The following SMPD1 variants were observed in gnomAD, a reference collection of about 807,000 sequenced individuals.
SMPD1 encodes sphingomyelin phosphodiesterase.
A neutral mutation model predicts 49.7 loss-of-function variants in SMPD1; 47 were observed. That is an observed-to-expected ratio of 0.95 (90% CI 0.75 to 1.21). The LOEUF (loss-of-function observed/expected upper bound fraction) is 1.21, where lower values mean the gene tolerates loss of function less well. Among genes scored for constraint, SMPD1 ranks in the 50% most tolerant of loss-of-function variants. SMPD1 has a pLI of 0.00. For synonymous variants in SMPD1, 336 were observed against 339.6 expected, an observed-to-expected ratio of 0.99 and a Z score of 0.12; for missense variants, 811 against 822.2, an observed-to-expected ratio of 0.99 and a Z score of 0.17.
In SMPD1 at chr11:6,394,050, G is replaced by A. The variant is rs1338237813; in HGVS notation, c.1486+9G>A. The A allele has an allele frequency of 6.2e-7, 1 of 1,614,064 alleles. No individual in the cohort carries two copies. Among genetic ancestry groups the A allele is most frequent in the African/African-American group, 1.3e-5 (1 of 74,906 alleles). On this transcript the variant is annotated intron_variant, in intron 5 of 5. Transcript: ENST00000342245. ...CATCGGCCTTAATCCTGGTGAGTGA[G>A]GCAGAAGGGAGCCTCCCTTATCCTG...
intron 4 of SMPD1, 49 bp from the exon 5 acceptor site, chr11:6,393,847 T>C (rs1848054849): frequency 6.2e-7 from 1 of 1,611,624 alleles, no homozygotes. Flanking sequence ...TCCCCAGATG[T>C]CTTCCTACCC....
At position 6,391,723 on chromosome 11, in the gene SMPD1, G is replaced by A; in HGVS notation, c.658G>A (p.Asp220Asn). 1 of 1,609,272 alleles carries A rather than the reference G, an allele frequency of 6.2e-7. No individual in the cohort carries two copies. The highest frequency in any genetic ancestry group is 8.5e-7 in the Non-Finnish European group (1 of 1,178,732). ...GGATCATGACTACCTGGAGGGCACG[G>A]ACCCTGACTGTGCAGACCCACTGTG... The part of the protein sequence containing the change: ...HWDHDYLEGT[D>N]PDCADPLCCR... Residue 220 changes from aspartate (D) to asparagine (N), a missense_variant, in exon 2 of 6, where the codon GAC (aspartate) becomes AAC (asparagine). By Grantham distance (23) the Asp-to-Asn change is conservative. Transcript: ENST00000342245.
At position 6,391,670 on chromosome 11, in the gene SMPD1, G is replaced by T. The variant is rs757850587; in HGVS notation, c.605G>T (p.Arg202Leu). Residue 202 changes from arginine to leucine, a missense_variant, in exon 2 of 6, where the codon CGC (arginine) becomes CTC (leucine). By Grantham distance (102) the Arg-to-Leu change is moderately radical (BLOSUM62 -2). Coordinates refer to ENST00000342245, the MANE Select transcript of SMPD1 (RefSeq NM_000543.5). ...SPPAPGAPVS[R>L]ILFLTDLHWD... ...CCAGCCCCAGGTGCCCCTGTCAGCC[G>T]CATCCTCTTCCTCACTGACCTGCAC... 2 of 1,170,954 alleles carry T rather than the reference G, an allele frequency of 1.7e-6. No homozygotes were observed. Among genetic ancestry groups the T allele is most frequent in the Admixed American group, 2.2e-5 (1 of 45,722 alleles). 72.5% of individuals were successfully genotyped at this position (1,170,954 alleles called of 1,614,324 possible).
At position 6,390,813 on chromosome 11, in the gene SMPD1, G is replaced by T. The variant is rs1847872800; in HGVS notation, c.215G>T (p.Arg72Met). The T allele has an allele frequency of 2.5e-6, 4 of 1,614,112 alleles. No individual in the cohort carries two copies. The highest frequency in any genetic ancestry group is 3.3e-4 in the Middle Eastern group (2 of 6,062). The change falls in exon 1 of 6, where the codon AGG (arginine) becomes ATG (methionine). Residue 72 changes from arginine to methionine, a missense_variant. Coordinates refer to ENST00000342245, the MANE Select transcript of SMPD1 (RefSeq NM_000543.5). ...HPLSPQGHPA[R>M]LHRIVPRLRD... ...CTTTCTCCCCAAGGCCATCCTGCCA[G>T]GTTACATCGCATAGTGCCCCGGCTC...
intron 2 of SMPD1, 89 bp from the exon 3 acceptor site, chr11:6,393,127 A>C (rs1045504033): frequency 1.9e-6 from 2 of 1,069,142 alleles, no homozygotes; most frequent in Non-Finnish European, 2.8e-6. Flanking sequence ...GGAAGATGTC[A>C]TGTATGCTTT....
chr11:6,390,680 C>CCCGGACTCCTTT lies in SMPD1; in HGVS notation c.83_94dup (p.Leu31_Trp32insSerGlyLeuLeu). ...GGGACAAGACGGGACCGCCGGAGCC[C>CCCGGACTCCTTT]CCGGACTCCTTTGGATGGGCCTGGT... is the stretch of plus-strand genomic sequence containing the variant. On this transcript the variant is annotated inframe_insertion, in exon 1 of 6. Transcript: ENST00000342245. The CCCGGACTCCTTT allele has an allele frequency of 6.2e-7, 1 of 1,611,338 alleles. No homozygotes were observed. Among genetic ancestry groups the CCCGGACTCCTTT allele is most frequent in the Non-Finnish European group, 8.5e-7 (1 of 1,178,800 alleles).
intron 2 of SMPD1, among the ~76,000 whole-genome samples, chr11:6,392,486 C>CTTTTTTTTTTTTTTTTTTTT (rs754271358): frequency 4.4e-5 from 2 of 45,684 alleles, no homozygotes; most frequent in African/African-American, 1.8e-4. Flanking sequence ...CTGGCCCTCC[C>CTTTTTTTTTTTTTTTTTTTT]TTTTTTTTTT....
chr11:6,390,951 A>G (rs772142740), intron 1 of SMPD1, 35 bp downstream of exon 1: 5 of 1,611,740 alleles, frequency 3.1e-6, no homozygotes, highest in Admixed American at 1.7e-5. Context: ...GAGGAGGCCG[A>G]AAGGAGTGCT....
intron 2 of SMPD1, 36 bp downstream of exon 2, chr11:6,392,192 G>T (rs1847957306): frequency 1.3e-5 from 21 of 1,613,730 alleles, no homozygotes; most frequent in Non-Finnish European, 1.8e-5. Context: ...GAAGGGAAAA[G>T]AAAGGTGAAT....
At position 6,394,313 on chromosome 11, in the gene SMPD1, C is replaced by T; in HGVS notation, c.1602C>T (p.His534=). 6.2e-7 allele frequency: 1 copy of T among 1,614,246 alleles called. No homozygotes were observed. ...CAAACATACCGGGAGCCATACCGCACTGGCAGCTTCTCTACAGGGCTCGAG... is the reference window on the plus strand; with the variant it reads ...CAAACATACCGGGAGCCATACCGCATTGGCAGCTTCTCTACAGGGCTCGAG... ...TQANIPGAIP[H]WQLLYRARET... is the part of the protein sequence containing the mutation. The change falls in exon 6 of 6, where the codon CAC becomes CAT. Residue 534 remains histidine, a synonymous_variant. Transcript: ENST00000342245.
rs2134022797 is a variant in SMPD1, at chr11:6,394,220, T to C, written c.1509T>C (p.Asp503=). ...LNPGYRVYQI[D]GNYSGSSHVV... The stretch of plus-strand genomic sequence containing the variant: ...CAGGTTACCGTGTGTACCAAATAGA[T>C]GGAAACTACTCCGGGAGCTCTCACG... Residue 503 remains aspartate, a synonymous_variant, in exon 6 of 6, where the codon GAT becomes GAC. Transcript: ENST00000342245. 1 of 1,614,098 alleles carries C rather than the reference T, an allele frequency of 6.2e-7. No individual in the cohort carries two copies. The highest frequency in any genetic ancestry group is 8.5e-7 in the Non-Finnish European group (1 of 1,180,016).
rs768851981 is a variant in SMPD1 at position 6,393,907 on chromosome 11, C to A, written c.1352C>A (p.Thr451Asn). The change falls in exon 5 of 6, where the codon ACC (threonine) becomes AAC (asparagine). Residue 451 changes from threonine to asparagine, a missense_variant. Thr to Asn is a moderately conservative substitution (Grantham distance 65). Coordinates refer to ENST00000342245, the MANE Select transcript of SMPD1 (RefSeq NM_000543.5). Reference sequence around the variant, plus strand: ...TACCTTCTGGCCAGGTATGAGAACACCCTGGCTGCTCAGTTCTTTGGCCAC... The same window carrying A: ...TACCTTCTGGCCAGGTATGAGAACAACCTGGCTGCTCAGTTCTTTGGCCAC... The part of the protein sequence containing the change: ...YYRIVARYEN[T>N]LAAQFFGHTH... 6.2e-7 allele frequency: 1 copy of A among 1,614,182 alleles called. No homozygotes were observed. The highest frequency in any genetic ancestry group is 8.5e-7 in the Non-Finnish European group (1 of 1,180,022).
chr11:6,390,794 C>T lies in SMPD1; in HGVS notation c.196C>T (p.Pro66Ser), dbSNP rs139716279. 2 of 1,614,104 alleles carry T rather than the reference C, an allele frequency of 1.2e-6. No homozygotes were observed. Among genetic ancestry groups the T allele is most frequent in the African/African-American group, 2.7e-5 (2 of 75,004 alleles). Reference protein sequence around the residue: ...WAPAEAHPLSPQGHPARLHRI... With the variant: ...WAPAEAHPLSSQGHPARLHRI... ...TCCGGCAGAGGCTCACCCTCTTTCT[C>T]CCCAAGGCCATCCTGCCAGGTTACA... The change falls in exon 1 of 6, where the codon CCC becomes TCC. Residue 66 changes from proline to serine, a missense_variant. Coordinates refer to ENST00000342245, the MANE Select transcript of SMPD1 (RefSeq NM_000543.5).
chr11:6,391,636 C>CAA lies in SMPD1; in HGVS notation c.571_572insAA (p.Pro191GlnfsTer67). ...TGTGCCGAAGCCGCCCCCCAAACCC[C>CAA]CTAGCCCCCCAGCCCCAGGTGCCCC... On this transcript the variant is annotated frameshift_variant, in exon 2 of 6. Transcript: ENST00000342245. LOFTEE classifies it high-confidence loss of function. 1 of 1,540,434 alleles carries CAA rather than the reference C, an allele frequency of 6.5e-7. No individual in the cohort carries two copies. Among genetic ancestry groups the CAA allele is most frequent in the Non-Finnish European group, 8.8e-7 (1 of 1,142,326 alleles).
At position 6,391,270 on chromosome 11, in the gene SMPD1, T is replaced by A. The variant is rs2134008096; in HGVS notation, c.319-114T>A. The A allele has an allele frequency of 3.8e-6, 4 of 1,047,070 alleles. No individual in the cohort carries two copies. In the South Asian group the frequency reaches 5.2e-5, roughly 14 times the overall value. The allele number at this position is 1,047,070 out of a possible 1,614,324, so 64.9% of individuals were successfully genotyped here. A position where few individuals can be genotyped will look rare whatever the true frequency, so the allele number is the denominator to read the frequency against. On this transcript the variant is annotated intron_variant, in intron 1 of 5. Coordinates refer to ENST00000342245, the MANE Select transcript of SMPD1 (RefSeq NM_000543.5). ...AAGGTGTGCACTGAGCTTGGTGCAC[T>A]GAGTCCTGCCCAGCCCCAGTTTGGA...
At position 6,393,680 on chromosome 11, in the gene SMPD1, C is replaced by G. The variant is rs120074127; in HGVS notation, c.1327C>G (p.Arg443Gly). 40 of 1,613,532 alleles carry G rather than the reference C, an allele frequency of 2.5e-5. No individual in the cohort carries two copies. The highest frequency in any genetic ancestry group is 8.5e-6 in the Non-Finnish European group (10 of 1,179,624). Residue 443 changes from arginine (R) to glycine (G), a missense_variant, in exon 4 of 6, where the codon CGA (arginine) becomes GGA (glycine). Coordinates refer to ENST00000342245, the MANE Select transcript of SMPD1 (RefSeq NM_000543.5). ...CLKSWSWNYY[R>G]IVARYENTLA... ...GAAGAGCTGGAGCTGGAATTATTAC[C>G]GAATTGTAGCCAGGTAGGACGGAGA...
chr11:6,393,999 T>A lies in SMPD1; in HGVS notation c.1444T>A (p.Phe482Ile). The change falls in exon 5 of 6, where the codon TTC becomes ATC. Residue 482 changes from phenylalanine to isoleucine, a missense_variant. Transcript: ENST00000342245. ...ETLSRPLAVA[F>I]LAPSATTYIG... ...TCTGAGCCGGCCGCTGGCTGTAGCC[T>A]TCCTGGCACCCAGTGCAACTACCTA... 1 of 1,614,186 alleles carries A rather than the reference T, an allele frequency of 6.2e-7. No homozygotes were observed. Among genetic ancestry groups the A allele is most frequent in the Non-Finnish European group, 8.5e-7 (1 of 1,180,036 alleles).
rs559088058 is a variant in SMPD1, at chr11:6,393,257, G to A, written c.1133G>A (p.Arg378His). ...GCTCTTTCCCCATACCCCGGTCTCC[G>A]CCTCATCTCTCTCAATATGAATTTT... ...FYALSPYPGL[R>H]LISLNMNFCS... Residue 378 changes from arginine to histidine, a missense_variant, in exon 3 of 6, where the codon CGC becomes CAC. Arg to His is a conservative substitution (Grantham distance 29). Transcript: ENST00000342245. 119 of 1,613,922 alleles carry A rather than the reference G, an allele frequency of 7.4e-5. No individual in the cohort carries two copies. Among genetic ancestry groups the A allele is most frequent in the East Asian group, 2.2e-4 (10 of 44,880 alleles).
Position 6,394,499 on chromosome 11 carries a change from T to A in SMPD1, c.1788T>A (p.Cys596Ter). 6.2e-7 allele frequency: 1 copy of A among 1,613,390 alleles called. No individual in the cohort carries two copies. The highest frequency in any genetic ancestry group is 1.1e-5 in the South Asian group (1 of 91,084). ...CGCCCTGCCGTCTGGCTACTCTTTG[T>A]GCCCAGCTCTCTGCCCGTGCTGACA... ...CGTPCRLATL[C>*]AQLSARADSP... Residue 596 changes from cysteine to a stop codon, truncating the protein, a stop_gained, in exon 6 of 6, where the codon TGT becomes TGA. Transcript: ENST00000342245. LOFTEE classifies it low-confidence loss of function (END_TRUNC).
Sources: gnomAD v4.1 joint callset for allele counts (sites outside exome capture counted in the v4.1 genomes callset) on GRCh38, gnomAD v4.1.1 for gene constraint, MANE v1.5 for transcripts, NCBI Gene and HGNC (gene_info 2026-07-23, HGNC 2026-07-21) for gene names.